The following GPHN variants were observed in gnomAD, a reference collection of about 807,000 sequenced individuals.
The protein encoded by GPHN is gephyrin.
In GPHN, 17 loss-of-function variants were observed where a neutral mutation model predicts 95.5. The ratio of observed to expected loss-of-function variants is 0.18; its 90% CI spans 0.12 to 0.27. The LOEUF (loss-of-function observed/expected upper bound fraction) is 0.27, where lower values mean the gene tolerates loss of function less well. Among genes scored for constraint, GPHN ranks in the 10% least tolerant of loss-of-function variants. The pLI, the probability that GPHN is intolerant of heterozygous loss-of-function variation, is 1.00. For synonymous variants in GPHN, 320 were observed against 322.5 expected (o/e 0.99, Z 0.08); for missense variants, 660 against 978.1 (o/e 0.67, Z 4.34).
the GPHN span, among the ~76,000 whole-genome samples, chr14:67,435,127 T>C: frequency 6.6e-6 from 1 of 151,758 alleles, no homozygotes; most frequent in African/African-American, 2.4e-5. Flanking sequence ...CCACCATGCC[T>C]GGCTAATTTT....
intron 18 of GPHN, among the ~76,000 whole-genome samples, chr14:67,157,941 G>C (rs994166933): frequency 6.6e-6 from 1 of 152,016 alleles, no homozygotes; most frequent in African/African-American, 2.4e-5. Context: ...AAGATTGATA[G>C]GAATGTGGCT....
chr14:66,697,238 A>G (rs2068159253), intron 2 of GPHN, among the ~76,000 whole-genome samples: 1 of 152,190 alleles, frequency 6.6e-6, no homozygotes, highest in Admixed American at 6.5e-5. Flanking sequence ...ATCTAAAATA[A>G]TATTGTCAAT....
At chr14:66,764,681 G>A (rs2058896039) in intron 2 of GPHN, among the ~76,000 whole-genome samples, 1 of 151,940 alleles carries the variant, frequency 6.6e-6, no homozygotes, top group South Asian at 2.1e-4. Context: ...CCTTTAAAAA[G>A]CTGAAGGAAA....
At chr14:66,774,731 T>C (rs1348610821) in intron 2 of GPHN, among the ~76,000 whole-genome samples, 1 of 152,236 alleles carries the variant, frequency 6.6e-6, no homozygotes, top group Non-Finnish European at 1.5e-5. Context: ...ATTTCCATAA[T>C]TATATTATTG....
chr14:66,675,473 G>T (rs1422427691), intron 1 of GPHN, among the ~76,000 whole-genome samples: 3 of 152,048 alleles, frequency 2.0e-5, no homozygotes, highest in Non-Finnish European at 4.4e-5. Flanking sequence ...CAGATTTTTT[G>T]ATGGGTTGTG....
the GPHN span, among the ~76,000 whole-genome samples, chr14:67,372,831 A>G: frequency 6.6e-6 from 1 of 151,982 alleles, no homozygotes; most frequent in East Asian, 1.9e-4. Context: ...CATCTCAAAA[A>G]AAAAAACAAA....
chr14:67,712,901 T>TC, the GPHN span, among the ~76,000 whole-genome samples: 1 of 151,152 alleles, frequency 6.6e-6, no homozygotes, highest in Non-Finnish European at 1.5e-5. Flanking sequence ...TCCCTTCTCT[T>TC]TTTTTTTTCT....
At chr14:67,312,715 G>C in the GPHN span, 13 of 1,582,106 alleles carry the variant, frequency 8.2e-6, no homozygotes, top group Non-Finnish European at 1.1e-5. Flanking sequence ...TTCCAGGTAA[G>C]ACACAATATG....
In GPHN at chr14:66,938,475, C is replaced by G. The variant is rs113903476; in HGVS notation, c.828+14183C>G. On this transcript the variant is annotated intron_variant, in intron 8 of 22. Transcript: ENST00000478722. The stretch of plus-strand genomic sequence containing the variant: ...CTTTTTCATTCTGTGTTGATTCAGT[C>G]CTGTGATAATTAATTATTATTCAAA... 1.5e-3 allele frequency among the ~76,000 whole-genome samples: 232 copies of G among 152,124 alleles called. 1 individual carries two copies. Among genetic ancestry groups the G allele is most frequent in the African/African-American group, 5.5e-3 (230 of 41,504 alleles).
Position 67,130,740 on chromosome 14 carries a change from T to A in GPHN, c.1748+8363T>A, listed in dbSNP as rs141170381. On this transcript the variant is annotated intron_variant, in intron 17 of 22. Coordinates refer to ENST00000478722, the MANE Select transcript of GPHN (RefSeq NM_020806.5). ...CCACCAACGGTGTGTAAATGTTCTC[T>A]TTTCTCTGCAGCCTCACCAAGATCT... is the stretch of plus-strand genomic sequence containing the variant. Among the ~76,000 whole-genome samples the A allele has an allele frequency of 9.3e-3, 1,419 of 152,310 alleles. 30 individuals are homozygous for A. Among genetic ancestry groups the A allele is most frequent in the African/African-American group, 0.033 (1,380 of 41,572 alleles).
the GPHN span, among the ~76,000 whole-genome samples, chr14:67,634,106 A>G: frequency 2.8e-4 from 43 of 152,302 alleles, no homozygotes; most frequent in African/African-American, 9.9e-4. Context: ...GTTGAAGGAA[A>G]AAAGGAAGCA....
chr14:66,902,599 G>A (rs1312884352), intron 5 of GPHN, among the ~76,000 whole-genome samples: 1 of 151,994 alleles, frequency 6.6e-6, no homozygotes, highest in Non-Finnish European at 1.5e-5. Context: ...TTCATTAAAT[G>A]TTTTTACAGC....
chr14:67,300,077 G>A, the GPHN span, among the ~76,000 whole-genome samples: 1 of 152,142 alleles, frequency 6.6e-6, no homozygotes, highest in Non-Finnish European at 1.5e-5. Flanking sequence ...TTTTAGTTGA[G>A]TTCTTGAAGA....
intron 12 of GPHN, among the ~76,000 whole-genome samples, chr14:67,092,191 A>G (rs928245504): frequency 6.6e-6 from 1 of 152,094 alleles, no homozygotes; most frequent in African/African-American, 2.4e-5. Context: ...TATGAATCCT[A>G]AAAGTGATTT....
the GPHN span, among the ~76,000 whole-genome samples, chr14:67,676,047 A>G: frequency 1.3e-5 from 2 of 152,182 alleles, no homozygotes; most frequent in African/African-American, 4.8e-5. Context: ...CAGTGAGCTG[A>G]GATCGTGCCA....
At chr14:67,346,269 C>T in the GPHN span, among the ~76,000 whole-genome samples, 3 of 152,284 alleles carry the variant, frequency 2.0e-5, no homozygotes, top group Non-Finnish European at 4.4e-5. Context: ...AATTAAATAT[C>T]ACATGAAGCA....
intron 3 of GPHN, among the ~76,000 whole-genome samples, chr14:66,800,873 G>A (rs2060324317): frequency 6.6e-6 from 1 of 151,958 alleles, no homozygotes; most frequent in Non-Finnish European, 1.5e-5. Flanking sequence ...GTGTAGGCAT[G>A]TTTCTTATTC....
At chr14:67,305,733 A>G in the GPHN span, among the ~76,000 whole-genome samples, 1 of 152,350 alleles carries the variant, frequency 6.6e-6, no homozygotes, top group African/African-American at 2.4e-5. Context: ...TATCAAAGCA[A>G]TTAACTTACA....
At chr14:67,030,406 T>G (rs557953913) in intron 10 of GPHN, among the ~76,000 whole-genome samples, 2 of 152,306 alleles carry the variant, frequency 1.3e-5, no homozygotes, top group Admixed American at 1.3e-4. Flanking sequence ...ACATTAACCC[T>G]TAAATGGCTC....
Sources: allele counts gnomAD v4.1 joint callset (sites outside exome capture counted in the v4.1 genomes callset), GRCh38; gene constraint gnomAD v4.1.1; transcripts MANE v1.5; gene names NCBI Gene and HGNC (gene_info 2026-07-23, HGNC 2026-07-21).